PDE1A: variants seen among roughly 807,000 people sequenced by gnomAD.
The protein encoded by PDE1A is phosphodiesterase 1A.
In PDE1A, 35 loss-of-function variants were observed where a neutral mutation model predicts 61.7. The ratio of observed to expected loss-of-function variants is 0.57; its 90% CI spans 0.43 to 0.75. PDE1A has a LOEUF of 0.75. Among genes scored for constraint, PDE1A ranks in the 30% least tolerant of loss-of-function variants. The pLI, the probability that PDE1A is intolerant of heterozygous loss-of-function variation, is 0.00. For missense variants in PDE1A, 597 were observed against 630.6 expected (o/e 0.95, Z 0.57); for synonymous variants, 232 against 213.2 (o/e 1.09, Z -0.77).
At position 182,212,290 on chromosome 2, in the gene PDE1A, T is replaced by A. The variant is rs539640529; in HGVS notation, c.777-6225A>T. Among the ~76,000 whole-genome samples, 23 of 151,754 alleles carry A rather than the reference T, an allele frequency of 1.5e-4. No homozygotes were observed. In the Middle Eastern group the frequency reaches 0.01, roughly 68 times the overall value. ...TTATATATATATACACACACACACA[T>A]AGTGGAATGGCTAACTCAGGCTAAT... is the stretch of plus-strand genomic sequence containing the variant. On this transcript the variant is annotated intron_variant, in intron 7 of 13. Coordinates refer to ENST00000351439, the Ensembl canonical transcript of PDE1A.
chr2:182,203,496 T>A (rs933692369), intron 8 of PDE1A, among the ~76,000 whole-genome samples: 1 of 152,180 alleles, frequency 6.6e-6, no homozygotes, highest in Non-Finnish European at 1.5e-5. Context: ...TTACATTTTT[T>A]TCGCTGAAAA....
intron 6 of PDE1A, 42 bp from the exon 7 acceptor site, chr2:182,224,006 A>G (rs1364207536): frequency 7.5e-7 from 1 of 1,329,978 alleles, no homozygotes; most frequent in Non-Finnish European, 1.1e-6. Flanking sequence ...CAAGAAGTAG[A>G]TAACATCTTT....
chr2:182,235,878 A>T (rs1472530763), intron 3 of PDE1A, among the ~76,000 whole-genome samples: 2 of 152,212 alleles, frequency 1.3e-5, no homozygotes, highest in Non-Finnish European at 2.9e-5. Flanking sequence ...TTTTGATTCA[A>T]TGTTCCTTAT....
At chr2:182,171,238 A>G (rs1376503614) in intron 13 of PDE1A, among the ~76,000 whole-genome samples, 1 of 152,080 alleles carries the variant, frequency 6.6e-6, no homozygotes, top group Non-Finnish European at 1.5e-5. Context: ...TAACATTTTG[A>G]AAAATGTCCT....
intron 1 of PDE1A, among the ~76,000 whole-genome samples, chr2:182,345,258 A>G (rs182739740): frequency 6.6e-6 from 1 of 152,172 alleles, no homozygotes; most frequent in Non-Finnish European, 1.5e-5. Flanking sequence ...TCCATTTCTG[A>G]TGTCCCCATC....
At chr2:182,207,789 C>A (rs1464636397) in intron 7 of PDE1A, among the ~76,000 whole-genome samples, 2 of 152,310 alleles carry the variant, frequency 1.3e-5, no homozygotes, top group East Asian at 3.9e-4. Flanking sequence ...GATTCATGGG[C>A]CAGGCCTATG....
At chr2:182,400,968 T>G (rs192692206) in intron 1 of PDE1A, among the ~76,000 whole-genome samples, 1 of 152,266 alleles carries the variant, frequency 6.6e-6, no homozygotes, top group Non-Finnish European at 1.5e-5. Context: ...TCCATTGGTG[T>G]TCTCTTTTTT....
chr2:182,690,601 T>A, the PDE1A span, among the ~76,000 whole-genome samples: 1 of 152,126 alleles, frequency 6.6e-6, no homozygotes, highest in African/African-American at 2.4e-5. Context: ...CTGGAAGCAT[T>A]CCCTTTGAAA....
chr2:182,156,755 C>T (rs1343854600), intron 13 of PDE1A, among the ~76,000 whole-genome samples: 2 of 152,082 alleles, frequency 1.3e-5, no homozygotes, highest in African/African-American at 4.8e-5. Flanking sequence ...AAGAATCCAG[C>T]AGCAAGGCCT....
At chr2:182,455,875 G>T (rs554661303) in intron 2 of PDE1A, among the ~76,000 whole-genome samples, 37 of 151,574 alleles carry the variant, frequency 2.4e-4, no homozygotes, top group African/African-American at 7.5e-4. Context: ...CCTGCACATT[G>T]TGCACATGTA....
the PDE1A span, among the ~76,000 whole-genome samples, chr2:182,682,605 T>A: frequency 6.6e-6 from 1 of 152,194 alleles, no homozygotes; most frequent in Non-Finnish European, 1.5e-5. Context: ...CTATGTTTAA[T>A]CAAAGAAGCC....
chr2:182,609,162 G>A, the PDE1A span, among the ~76,000 whole-genome samples: 3 of 152,092 alleles, frequency 2.0e-5, no homozygotes, highest in South Asian at 2.1e-4. Flanking sequence ...TACACCAATC[G>A]ACACTCTGTA....
intron 3 of PDE1A, among the ~76,000 whole-genome samples, chr2:182,239,734 T>C (rs1690350081): frequency 6.6e-6 from 1 of 152,218 alleles, no homozygotes; most frequent in African/African-American, 2.4e-5. Context: ...ACATGTAGAT[T>C]GCTACCCAGT....
At chr2:182,218,819 A>T (rs1210070705) in intron 7 of PDE1A, among the ~76,000 whole-genome samples, 1 of 152,062 alleles carries the variant, frequency 6.6e-6, no homozygotes, top group East Asian at 1.9e-4. Flanking sequence ...AACCCCACTT[A>T]GTTGTGGTGC....
chr2:182,699,795 T>C, the PDE1A span, among the ~76,000 whole-genome samples: 1 of 152,364 alleles, frequency 6.6e-6, no homozygotes, highest in Middle Eastern at 3.4e-3. Flanking sequence ...CATGTTTTCT[T>C]AAAATAATTC....
chr2:182,300,975 T>G (rs1226254511), intron 1 of PDE1A, among the ~76,000 whole-genome samples: 2 of 152,164 alleles, frequency 1.3e-5, no homozygotes, highest in Non-Finnish European at 2.9e-5. Flanking sequence ...ATATCTGACA[T>G]TTTCCTACCT....
the PDE1A span, among the ~76,000 whole-genome samples, chr2:182,589,007 C>A: frequency 1.3e-5 from 2 of 150,160 alleles, no homozygotes; most frequent in Admixed American, 1.3e-4. Flanking sequence ...GGCACCATTG[C>A]ACTCCAGCCT....
Position 182,253,074 on chromosome 2 carries a change from T to C in PDE1A, c.167+11227A>G, listed in dbSNP as rs141134134. On this transcript the variant is annotated intron_variant, in intron 2 of 13. Transcript: ENST00000351439. The stretch of plus-strand genomic sequence containing the variant: ...GGGTTACCTTGGAAACTTAACCTAT[T>C]ACCTCATTTCATGGGAAACTAGATT... 5.2e-3 allele frequency among the ~76,000 whole-genome samples: 797 copies of C among 152,322 alleles called. 6 individuals carry two copies. The highest frequency in any genetic ancestry group is 7.8e-3 in the Non-Finnish European group (528 of 68,036).
chr2:182,607,716 A>G, the PDE1A span, among the ~76,000 whole-genome samples: 1 of 152,224 alleles, frequency 6.6e-6, no homozygotes, highest in Admixed American at 6.5e-5. Flanking sequence ...TTTAAAATAA[A>G]ATAAAAGGTT....
Sources: gnomAD v4.1 joint callset for allele counts (sites outside exome capture counted in the v4.1 genomes callset) on GRCh38, gnomAD v4.1.1 for gene constraint, MANE v1.5 for transcripts, NCBI Gene and HGNC (gene_info 2026-07-23, HGNC 2026-07-21) for gene names.